The following C2CD5 variants were observed in gnomAD, a reference collection of about 807,000 sequenced individuals.
C2CD5 encodes the protein C2 calcium dependent domain containing 5.
C2CD5 carries 109 observed loss-of-function variants against 130.3 expected under a neutral mutation model. The ratio of observed to expected loss-of-function variants is 0.84; its 90% confidence interval spans 0.72 to 0.98. The LOEUF (loss-of-function observed/expected upper bound fraction) is 0.98. Ranked by LOEUF, C2CD5 falls within the 50% of genes least tolerant of loss-of-function variation. The pLI is 0.00. For missense variants in C2CD5, 996 were observed against 1,261.8 expected (o/e 0.79, Z 3.19); for synonymous variants, 454 against 429.2 (o/e 1.06, Z -0.71).
chr12:22,486,655 G>A lies in C2CD5; in HGVS notation c.1359-1767C>T, dbSNP rs144920359. 2.1e-3 allele frequency among the ~76,000 whole-genome samples: 322 copies of A among 152,200 alleles called. 9 individuals are homozygous for A. The East Asian group carries it at 0.05, about 24-fold the overall frequency. On this transcript the variant is annotated intron_variant, in intron 12 of 26. Coordinates refer to ENST00000446597, the MANE Select transcript of C2CD5 (RefSeq NM_001286176.2). Reference sequence around the variant, plus strand: ...TAACATCCTATACAAATGAATGGCTGATGATTTTAGAATCACTGACAGTTT... The same window carrying A: ...TAACATCCTATACAAATGAATGGCTAATGATTTTAGAATCACTGACAGTTT...
At chr12:22,505,031 G>C (rs2136692155) in intron 10 of C2CD5, among the ~76,000 whole-genome samples, 1 of 152,222 alleles carries the variant, frequency 6.6e-6, no homozygotes, top group Non-Finnish European at 1.5e-5. Flanking sequence ...CAGTTTTAGA[G>C]TTAAATAATC....
At chr12:22,471,072 CAACTAT>C (rs970747222) in intron 20 of C2CD5, among the ~76,000 whole-genome samples, 161 bp from the exon 21 acceptor site, 3 of 151,990 alleles carry the variant, frequency 2.0e-5, no homozygotes, top group African/African-American at 7.2e-5. Flanking sequence ...ACACAAACTA[CAACTAT>C]ACCAAACAGT....
At chr12:22,524,111 G>C (rs1421740757) in intron 6 of C2CD5, among the ~76,000 whole-genome samples, 1 of 152,128 alleles carries the variant, frequency 6.6e-6, no homozygotes, top group African/African-American at 2.4e-5. Flanking sequence ...CATCTGAACA[G>C]AAAGTATGAG....
At chr12:22,540,485 A>G (rs1592056265) in intron 2 of C2CD5, among the ~76,000 whole-genome samples, 1 of 152,200 alleles carries the variant, frequency 6.6e-6, no homozygotes, top group Admixed American at 6.5e-5. Context: ...TGTCTAATAC[A>G]TACAAAGGCT....
At chr12:22,519,802 C>T (rs888523782) in intron 7 of C2CD5, among the ~76,000 whole-genome samples, 10 of 151,834 alleles carry the variant, frequency 6.6e-5, no homozygotes, top group South Asian at 2.1e-4. Context: ...ATTGGATATA[C>T]GCAGATAAAC....
rs1264339505 is a variant in C2CD5 at position 22,457,102 on chromosome 12, G to A, written c.2746C>T (p.Pro916Ser). 3 of 1,611,894 alleles carry A rather than the reference G, an allele frequency of 1.9e-6. No individual in the cohort carries two copies. Among genetic ancestry groups the A allele is most frequent in the African/African-American group, 1.3e-5 (1 of 74,818 alleles). The change falls in exon 25 of 27, where the codon CCA becomes TCA. Residue 916 changes from proline to serine, a missense_variant. Pro to Ser is a moderately conservative substitution (Grantham distance 74). This residue lies in a region of C2CD5 where 590 missense variants were observed against 631.4 expected (regional missense o/e 0.93). Coordinates refer to ENST00000446597, the MANE Select transcript of C2CD5 (RefSeq NM_001286176.2). Reference protein sequence around the residue: ...GDGNFRNRSAPPCANSTVGVV... With the variant: ...GDGNFRNRSASPCANSTVGVV... ...CCAACTGTGGAATTTGCACAAGGTG[G>A]AGCAGAACGATTCCGGAAATTTCCA...
Position 22,478,457 on chromosome 12 carries a change from T to G in C2CD5, c.1758A>C (p.Leu586Phe). The G allele has an allele frequency of 6.2e-7, 1 of 1,613,690 alleles. No homozygotes were observed. The highest frequency in any genetic ancestry group is 8.5e-7 in the Non-Finnish European group (1 of 1,179,748). The change falls in exon 15 of 27, where the codon TTA (leucine) becomes TTC (phenylalanine). Residue 586 changes from leucine (L) to phenylalanine (F), a missense_variant. Leu to Phe is a conservative substitution (Grantham distance 22, BLOSUM62 0). This residue lies in a region of C2CD5 where 590 missense variants were observed against 631.4 expected (regional missense o/e 0.93). Transcript: ENST00000446597. The stretch of plus-strand genomic sequence containing the variant: ...TACCACCAGGAGTTGGTAAAGCTGC[T>G]AAATACACACCTGTGGCAGACTTGT... ...MGLASATGVY[L>F]AALPTPGGIQ... is the part of the protein sequence containing the mutation.
At chr12:22,519,335 G>C (rs770085244) in intron 7 of C2CD5, 2 of 1,063,812 alleles carry the variant, frequency 1.9e-6, no homozygotes, top group Non-Finnish European at 2.6e-6. Flanking sequence ...GCTTTAGTCA[G>C]GGAAGAGAAC....
At chr12:22,518,382 G>C (rs1949962723) in intron 7 of C2CD5, among the ~76,000 whole-genome samples, 1 of 152,146 alleles carries the variant, frequency 6.6e-6, no homozygotes, top group Non-Finnish European at 1.5e-5. Context: ...TGAAATGACA[G>C]ACTAAGGGGA....
chr12:22,519,056 G>C, intron 7 of C2CD5: 2 of 1,474,726 alleles, frequency 1.4e-6, no homozygotes, highest in South Asian at 2.5e-5. Context: ...GCCTGCCTCT[G>C]CAGCCACTCT....
chr12:22,506,942 C>A, intron 9 of C2CD5, 123 bp from the exon 10 acceptor site: 1 of 638,774 alleles, frequency 1.6e-6, no homozygotes. Flanking sequence ...ACCCATTACA[C>A]ATCACACATG....
At chr12:22,483,500 T>C (rs1945024372) in intron 13 of C2CD5, among the ~76,000 whole-genome samples, 1 of 152,002 alleles carries the variant, frequency 6.6e-6, no homozygotes, top group Non-Finnish European at 1.5e-5. Flanking sequence ...TGTAAAGAAA[T>C]AGCTGCCAGC....
At position 22,504,869 on chromosome 12, in the gene C2CD5, C is replaced by G. The variant is rs571842172; in HGVS notation, c.1147+1842G>C. 4.7e-4 allele frequency among the ~76,000 whole-genome samples: 72 copies of G among 152,194 alleles called. 1 individual carries two copies. The highest frequency in any genetic ancestry group is 1.6e-3 in the African/African-American group (67 of 41,510). ...GTCTTCAAGATCCCAATACATTAAACTGGCATCAGTCTGAATTTTTCTTAA... is the reference window on the plus strand; with the variant it reads ...GTCTTCAAGATCCCAATACATTAAAGTGGCATCAGTCTGAATTTTTCTTAA... On this transcript the variant is annotated intron_variant, in intron 10 of 26. Coordinates refer to ENST00000446597, the MANE Select transcript of C2CD5 (RefSeq NM_001286176.2).
chr12:22,530,267 T>C (rs1285219906), intron 3 of C2CD5, among the ~76,000 whole-genome samples: 1 of 149,160 alleles, frequency 6.7e-6, no homozygotes, highest in African/African-American at 2.5e-5. Context: ...TGTGTATATA[T>C]ATATACACAA....
chr12:22,506,363 T>C (rs1948535343), intron 10 of C2CD5, among the ~76,000 whole-genome samples: 1 of 152,160 alleles, frequency 6.6e-6, no homozygotes. Context: ...AAGTAATCTA[T>C]AAAAAGCTAC....
chr12:22,522,863 C>T (rs1179965756), intron 7 of C2CD5, among the ~76,000 whole-genome samples: 1 of 152,042 alleles, frequency 6.6e-6, no homozygotes, highest in Non-Finnish European at 1.5e-5. Flanking sequence ...TTTATATATG[C>T]AGTGTCTAAA....
At chr12:22,453,804 G>A in intron 26 of C2CD5, 92 bp downstream of exon 26, 1 of 1,129,856 alleles carries the variant, frequency 8.9e-7, no homozygotes, top group East Asian at 2.4e-5. Flanking sequence ...GGGCTCTAAA[G>A]AGCAATTCTC....
At chr12:22,455,922 C>G (rs1939763163) in intron 25 of C2CD5, among the ~76,000 whole-genome samples, 1 of 152,116 alleles carries the variant, frequency 6.6e-6, no homozygotes, top group Non-Finnish European at 1.5e-5. Context: ...TGGCCTCAAG[C>G]AATCTACCCG....
At chr12:22,518,233 G>T in intron 7 of C2CD5, 96 bp from the exon 8 acceptor site, 2 of 1,167,120 alleles carry the variant, frequency 1.7e-6, no homozygotes, top group Non-Finnish European at 1.3e-6. Flanking sequence ...ATTGGGGCAG[G>T]GCCAGCAGTC....
Sources: allele counts gnomAD v4.1 joint callset (sites outside exome capture counted in the v4.1 genomes callset), GRCh38; gene constraint gnomAD v4.1.1; regional missense constraint gnomAD v4.1.1; transcripts MANE v1.5; gene names NCBI Gene and HGNC (gene_info 2026-07-23, HGNC 2026-07-21).